The following CDYL variants were observed in gnomAD, a reference collection of about 807,000 sequenced individuals.
CDYL encodes chromodomain Y like.
CDYL carries 8 observed loss-of-function variants against 47.3 expected under a neutral mutation model. The ratio of observed to expected loss-of-function variants is 0.17; its 90% CI spans 0.10 to 0.31. The LOEUF is 0.31. Ranked by LOEUF, CDYL falls within the 10% of genes least tolerant of loss-of-function variation. CDYL has a pLI of 1.00. For synonymous variants in CDYL, 266 were observed against 265.0 expected (o/e 1.00, Z -0.04); for missense variants, 471 against 701.4 (o/e 0.67, Z 3.71).
chr6:4,869,952 C>T lies in CDYL; in HGVS notation c.25-21761C>T, dbSNP rs183969229. The stretch of plus-strand genomic sequence containing the variant: ...GCATTACTGTCTGGAGTCCTTTCAG[C>T]CTATAGGACTTTATGCTTTCTGTCA... On this transcript the variant is annotated intron_variant, in intron 1 of 6. Coordinates refer to ENST00000397588, the MANE Select transcript of CDYL (RefSeq NM_004824.4). 3.7e-3 allele frequency among the ~76,000 whole-genome samples: 561 copies of T among 152,298 alleles called. 3 individuals are homozygous for T. The highest frequency in any genetic ancestry group is 0.013 in the African/African-American group (535 of 41,560).
chr6:4,948,797 C>T (rs1370843105), intron 5 of CDYL, among the ~76,000 whole-genome samples: 1 of 152,258 alleles, frequency 6.6e-6, no homozygotes, highest in Admixed American at 6.5e-5. Context: ...GTGAATTCTA[C>T]ACTTTCTGAG....
At position 4,769,663 on chromosome 6, in the gene CDYL, C is replaced by T. The variant is rs188388779; in HGVS notation, c.186+34819C>T. ...CTGCTTTGCTGGTACCCAAGCATGTCCAGTGTGCCCACGGGGTGCTGGGCA... is the reference window on the plus strand; with the variant it reads ...CTGCTTTGCTGGTACCCAAGCATGTTCAGTGTGCCCACGGGGTGCTGGGCA... On this transcript the variant is annotated intron_variant, in intron 3 of 8. Transcript: ENST00000328908. Among the ~76,000 whole-genome samples the T allele has an allele frequency of 8.5e-5, 13 of 152,252 alleles. No individual in the cohort carries two copies. The East Asian group carries it at 2.5e-3, about 29-fold the overall frequency.
chr6:4,787,377 C>T (rs6939773), intron 1 of CDYL, among the ~76,000 whole-genome samples: 6,476 of 152,132 alleles, frequency 0.043, 192 homozygotes, highest in South Asian at 0.13. Flanking sequence ...GGTTTCTGCT[C>T]GTAAATGAGC....
upstream of CDYL, among the ~76,000 whole-genome samples, chr6:4,772,505 G>C (rs1432562391): frequency 2.6e-5 from 4 of 152,204 alleles, no homozygotes; most frequent in African/African-American, 9.6e-5. Flanking sequence ...TCCCAGTTCA[G>C]ACAAGGCCCC....
rs185753018 is a variant in CDYL, at chr6:4,778,596, G to A, written c.24+1789G>A. Reference sequence around the variant, plus strand: ...TGGTTCATGCTTTCAAGGAGTGTCTGTTGGGGAGGAAGTAAGTATATTGCA... The same window carrying A: ...TGGTTCATGCTTTCAAGGAGTGTCTATTGGGGAGGAAGTAAGTATATTGCA... On this transcript the variant is annotated intron_variant, in intron 1 of 6. Transcript: ENST00000397588. 9.1e-4 allele frequency among the ~76,000 whole-genome samples: 138 copies of A among 152,276 alleles called. 2 individuals are homozygous for A. The highest frequency in any genetic ancestry group is 2.6e-3 in the African/African-American group (106 of 41,548).
chr6:4,933,461 A>T (rs181200413), intron 2 of CDYL, among the ~76,000 whole-genome samples: 6 of 152,258 alleles, frequency 3.9e-5, no homozygotes. Flanking sequence ...GTTCCTGGCC[A>T]TGTGGACTCT....
At chr6:4,758,758 A>T (rs1189174006) in intron 3 of CDYL, among the ~76,000 whole-genome samples, 1 of 152,132 alleles carries the variant, frequency 6.6e-6, no homozygotes, top group Non-Finnish European at 1.5e-5. Context: ...TGACACTTTA[A>T]CATAGTTCCT....
chr6:4,760,097 C>G (rs1030690233), intron 3 of CDYL, among the ~76,000 whole-genome samples: 1 of 151,580 alleles, frequency 6.6e-6, no homozygotes, highest in Admixed American at 6.6e-5. Context: ...TTGAAACAAT[C>G]CTTTATCTCC....
intron 1 of CDYL, among the ~76,000 whole-genome samples, chr6:4,782,923 A>T (rs1386839463): frequency 6.6e-6 from 1 of 152,214 alleles, no homozygotes; most frequent in East Asian, 1.9e-4. Context: ...TTAAGTGGCT[A>T]ATTTTGCAGC....
At chr6:4,900,901 C>G (rs1338461869) in intron 2 of CDYL, among the ~76,000 whole-genome samples, 1 of 143,538 alleles carries the variant, frequency 7.0e-6, no homozygotes, top group African/African-American at 2.6e-5. Flanking sequence ...CTGTCTTTGC[C>G]CAGGGACTAC....
At chr6:4,921,133 A>G (rs1757702604) in intron 2 of CDYL, among the ~76,000 whole-genome samples, 1 of 152,184 alleles carries the variant, frequency 6.6e-6, no homozygotes, top group Non-Finnish European at 1.5e-5. Flanking sequence ...TTTCAGCTTC[A>G]GGGTAGGTGG....
chr6:4,837,448 CT>C (rs1479496339), intron 1 of CDYL, among the ~76,000 whole-genome samples: 4 of 149,908 alleles, frequency 2.7e-5, no homozygotes, highest in Non-Finnish European at 4.4e-5. Flanking sequence ...AGTAAATACT[CT>C]TTTTTTTGTT....
intron 5 of CDYL, among the ~76,000 whole-genome samples, chr6:4,946,698 C>T (rs759236946): frequency 3.3e-5 from 4 of 121,882 alleles, no homozygotes; most frequent in Non-Finnish European, 7.6e-5. Context: ...GAACTCAGCT[C>T]GTGGTGGTCA....
chr6:4,724,036 C>T lies in CDYL; in HGVS notation c.103+8155C>T, dbSNP rs181944999. On this transcript the variant is annotated intron_variant, in intron 2 of 8. Transcript: ENST00000328908. ...GTGCTAGTTTGAGTCCTGCATCTGT[C>T]CCCTCACTTTTTGTGCGCGTTTGAG... Among the ~76,000 whole-genome samples, 434 of 152,202 alleles carry T rather than the reference C, an allele frequency of 2.9e-3. 1 individual carries two copies. Among genetic ancestry groups the T allele is most frequent in the Non-Finnish European group, 5.0e-3 (339 of 68,008 alleles).
intron 1 of CDYL, among the ~76,000 whole-genome samples, chr6:4,802,918 T>C (rs1003912824): frequency 9.2e-5 from 14 of 152,322 alleles, no homozygotes; most frequent in Admixed American, 9.1e-4. Flanking sequence ...CTGGTACCTT[T>C]TGAGCTCAAG....
chr6:4,864,571 G>A (rs1270543217), intron 1 of CDYL, among the ~76,000 whole-genome samples: 4 of 152,220 alleles, frequency 2.6e-5, no homozygotes, highest in East Asian at 1.9e-4. Context: ...GAATTCCTAC[G>A]TGTTGTGATA....
chr6:4,865,162 C>T (rs1468671748), intron 1 of CDYL, among the ~76,000 whole-genome samples: 1 of 152,166 alleles, frequency 6.6e-6, no homozygotes, highest in East Asian at 1.9e-4. Flanking sequence ...GTCACCTGCT[C>T]TGCCCTGAGT....
Position 4,955,232 on chromosome 6 carries a change from A to T in CDYL, c.*1176A>T, listed in dbSNP as rs1382179225. The T allele has an allele frequency of 1.3e-5, 2 of 152,642 alleles. No homozygotes were observed. Among genetic ancestry groups the T allele is most frequent in the Non-Finnish European group, 2.9e-5 (2 of 68,040 alleles). 9.5% of individuals were successfully genotyped at this position (152,642 alleles called of 1,614,324 possible). On this transcript the variant is annotated 3_prime_UTR_variant, in exon 7 of 7. Transcript: ENST00000397588. ...AGTGGGTACTGATTCCAGACTCCAGATGCCTATTATTAGTTAGGCTTCTGA... is the reference window on the plus strand; with the variant it reads ...AGTGGGTACTGATTCCAGACTCCAGTTGCCTATTATTAGTTAGGCTTCTGA...
At position 4,892,271 on chromosome 6, in the gene CDYL, G is replaced by A. The variant is rs769298744; in HGVS notation, c.583G>A (p.Ala195Thr). 8 of 1,614,206 alleles carry A rather than the reference G, an allele frequency of 5.0e-6. No individual in the cohort carries two copies. The highest frequency in any genetic ancestry group is 6.8e-6 in the Non-Finnish European group (8 of 1,180,032). The change falls in exon 2 of 7, where the codon GCC becomes ACC. Residue 195 changes from alanine to threonine, a missense_variant. By Grantham distance (58) the Ala-to-Thr change is moderately conservative. Transcript: ENST00000397588. The stretch of plus-strand genomic sequence containing the variant: ...GGTCGGAGCTTTATTGGGCCCCGGT[G>A]CCGAGAGGGCCAGGATGGGGAGCAG... ...KPVGALLGPG[A>T]ERARMGSRPR... is the part of the protein sequence containing the mutation.
Sources: gnomAD v4.1 joint callset for allele counts (sites outside exome capture counted in the v4.1 genomes callset) on GRCh38, gnomAD v4.1.1 for gene constraint, MANE v1.5 for transcripts, NCBI Gene and HGNC (gene_info 2026-07-23, HGNC 2026-07-21) for gene names.